The following SUPT6H variants were observed in gnomAD, a reference collection of about 807,000 sequenced individuals.
SUPT6H encodes SPT6 homolog, histone chaperone and transcription elongation factor, also known as transcription elongation factor SPT6.
Under a neutral mutation model 222.3 loss-of-function variants are expected in SUPT6H, and 11 were observed. The observed-to-expected ratio is 0.05, with a 90% CI of 0.03 to 0.08. The LOEUF (loss-of-function observed/expected upper bound fraction) is 0.08. Ranked by LOEUF, SUPT6H falls within the 10% of genes least tolerant of loss-of-function variation. The probability of loss-of-function intolerance (pLI) is 1.00; values close to 1 mark genes in which losing one functional copy is unlikely to be tolerated. For synonymous variants in SUPT6H, 762 were observed against 801.2 expected, an observed-to-expected ratio of 0.95 and a Z score of 0.83; for missense variants, 1,422 against 2,216.0, an observed-to-expected ratio of 0.64 and a Z score of 7.19.
rs2151618001 is a variant in SUPT6H at position 28,675,047 on chromosome 17, A to G, written c.423A>G (p.Glu141=). 4 of 1,614,144 alleles carry G rather than the reference A, an allele frequency of 2.5e-6. No homozygotes were observed. The East Asian group carries it at 6.7e-5, about 27-fold the overall frequency. ...DEEEYGKEEH[E]KEAIAEEIFQ... is the part of the protein sequence containing the mutation. Reference sequence around the variant, plus strand: ...AGGAATATGGCAAGGAGGAACATGAAAAAGAAGCTATTGCGGAAGAAATCT... The same window carrying G: ...AGGAATATGGCAAGGAGGAACATGAGAAAGAAGCTATTGCGGAAGAAATCT... The change falls in exon 5 of 37, where the codon GAA becomes GAG. Residue 141 remains glutamate, a synonymous_variant. Transcript: ENST00000314616.
At chr17:28,693,980 T>G in intron 28 of SUPT6H, 144 bp downstream of exon 28, 1 of 1,105,708 alleles carries the variant, frequency 9.0e-7, no homozygotes, top group South Asian at 1.6e-5. Flanking sequence ...GATTTATAAC[T>G]AGTTGAAAGA....
chr17:28,700,607 G>T, intron 35 of SUPT6H, 95 bp downstream of exon 35: 1 of 1,466,694 alleles, frequency 6.8e-7, no homozygotes, highest in Admixed American at 2.1e-5. Flanking sequence ...CACAGATGGG[G>T]CTGCCACGGC....
rs1160938841 is a variant in SUPT6H, at chr17:28,667,439, A to ATG, written c.-32+5107_-32+5108dup. Among the ~76,000 whole-genome samples the ATG allele has an allele frequency of 5.4e-4, 64 of 119,432 alleles. 3 individuals carry two copies. Among genetic ancestry groups the ATG allele is most frequent in the African/African-American group, 1.7e-3 (57 of 32,724 alleles). The allele number at this position is 119,432 out of a possible 152,430, so 78.4% of individuals were successfully genotyped here. A position where few individuals can be genotyped will look rare whatever the true frequency, so the allele number is the denominator to read the frequency against. Reference sequence around the variant, plus strand: ...TATATATATATATATATATATATGTATGTGTGTGTGTATACATATGTATGT... The same window carrying ATG: ...TATATATATATATATATATATATGTATGTGTGTGTGTGTATACATATGTATGT... On this transcript the variant is annotated intron_variant, in intron 1 of 36. Coordinates refer to ENST00000314616, the MANE Select transcript of SUPT6H (RefSeq NM_003170.5).
chr17:28,663,802 A>T (rs979795413), intron 1 of SUPT6H, among the ~76,000 whole-genome samples: 2 of 103,814 alleles, frequency 1.9e-5, no homozygotes, highest in Non-Finnish European at 3.9e-5. Flanking sequence ...ATTTTATACC[A>T]ATCTGGCTTC....
chr17:28,700,391 A>G lies in SUPT6H; in HGVS notation c.4685A>G (p.Gln1562Arg). The G allele has an allele frequency of 6.2e-7, 1 of 1,614,254 alleles. No homozygotes were observed. The highest frequency in any genetic ancestry group is 1.1e-5 in the South Asian group (1 of 91,090). ...GCCCTGCCTCAGAACATGACTTCAC[A>G]GATGTTCAGTGCCATTGCTGCGGTG... The part of the protein sequence containing the change: ...VNALPQNMTS[Q>R]MFSAIAAVTG... The change falls in exon 35 of 37, where the codon CAG becomes CGG. Residue 1562 changes from glutamine (Q) to arginine (R), a missense_variant. Coordinates refer to ENST00000314616, the MANE Select transcript of SUPT6H (RefSeq NM_003170.5).
chr17:28,700,388 C>T lies in SUPT6H; in HGVS notation c.4682C>T (p.Ser1561Leu). 2 of 1,614,246 alleles carry T rather than the reference C, an allele frequency of 1.2e-6. No individual in the cohort carries two copies. Among genetic ancestry groups the T allele is most frequent in the Non-Finnish European group, 1.7e-6 (2 of 1,180,048 alleles). Reference sequence around the variant, plus strand: ...AATGCCCTGCCTCAGAACATGACTTCACAGATGTTCAGTGCCATTGCTGCG... The same window carrying T: ...AATGCCCTGCCTCAGAACATGACTTTACAGATGTTCAGTGCCATTGCTGCG... Reference protein sequence around the residue: ...AVNALPQNMTSQMFSAIAAVT... With the variant: ...AVNALPQNMTLQMFSAIAAVT... Residue 1561 changes from serine (S) to leucine (L), a missense_variant, in exon 35 of 37, where the codon TCA becomes TTA. This residue lies in a region of SUPT6H where 395 missense variants were observed against 580.6 expected (regional missense o/e 0.68). Coordinates refer to ENST00000314616, the MANE Select transcript of SUPT6H (RefSeq NM_003170.5).
At chr17:28,668,255 G>A (rs2030205817) in intron 1 of SUPT6H, among the ~76,000 whole-genome samples, 1 of 152,162 alleles carries the variant, frequency 6.6e-6, no homozygotes, top group Non-Finnish European at 1.5e-5. Flanking sequence ...GAGCATAAGT[G>A]CTAAATACAA....
intron 1 of SUPT6H, among the ~76,000 whole-genome samples, chr17:28,667,816 G>A (rs967272483): frequency 1.3e-5 from 2 of 151,210 alleles, no homozygotes; most frequent in Non-Finnish European, 2.9e-5. Context: ...GAGATAGATT[G>A]TGAACTCCAC....
rs2031863040 is a variant in SUPT6H, at chr17:28,695,520, G to A, written c.3943G>A (p.Asp1315Asn). 6.2e-7 allele frequency: 1 copy of A among 1,613,904 alleles called. No homozygotes were observed. Among genetic ancestry groups the A allele is most frequent in the African/African-American group, 1.3e-5 (1 of 74,900 alleles). ...AGCTGCAGACCACAAGCAGGAGGAGGACATGAAGCGGAAGCAGCAGCGGAC... is the reference window on the plus strand; with the variant it reads ...AGCTGCAGACCACAAGCAGGAGGAGAACATGAAGCGGAAGCAGCAGCGGAC... ...AEAADHKQEE[D>N]MKRKQQRTTY... Residue 1315 changes from aspartate (D) to asparagine (N), a missense_variant, in exon 29 of 37, where the codon GAC (aspartate) becomes AAC (asparagine). By Grantham distance (23) the Asp-to-Asn change is conservative (BLOSUM62 1). This residue lies in a region of SUPT6H where 395 missense variants were observed against 580.6 expected (regional missense o/e 0.68). Transcript: ENST00000314616.
chr17:28,674,703 A>G, intron 4 of SUPT6H, 90 bp downstream of exon 4: 2 of 1,265,354 alleles, frequency 1.6e-6, no homozygotes, highest in East Asian at 2.3e-5. Flanking sequence ...CACACGCAGG[A>G]CAGTTTGGAG....
chr17:28,675,908 C>T (rs2030719575), intron 6 of SUPT6H, among the ~76,000 whole-genome samples: 1 of 152,216 alleles, frequency 6.6e-6, no homozygotes, highest in Non-Finnish European at 1.5e-5. Context: ...ATAGACCCGT[C>T]TGCTCTGTTG....
intron 25 of SUPT6H, 78 bp from the exon 26 acceptor site, chr17:28,690,004 C>T: frequency 6.5e-7 from 1 of 1,530,162 alleles, no homozygotes. Flanking sequence ...CTGGAGAGGC[C>T]CGCCCCTTCC....
intron 1 of SUPT6H, among the ~76,000 whole-genome samples, chr17:28,666,358 GA>G (rs768913947): frequency 2.0e-5 from 3 of 152,132 alleles, no homozygotes; most frequent in Non-Finnish European, 4.4e-5. Context: ...GCCCTATAGA[GA>G]AAAGGAAAGG....
In SUPT6H at chr17:28,683,265, C is replaced by T. The variant is rs764202162; in HGVS notation, c.1879-3C>T. The T allele has an allele frequency of 5.9e-5, 95 of 1,613,650 alleles. No individual in the cohort carries two copies. The highest frequency in any genetic ancestry group is 7.1e-5 in the Non-Finnish European group (84 of 1,179,784). ...GCTCATGATTCCCCCTTCATGTGTG[C>T]AGGATGTGGATGAGGCCCACTATGC... On this transcript the variant is annotated splice_region_variant and splice_polypyrimidine_tract_variant and intron_variant, in intron 15 of 36. Transcript: ENST00000314616.
intron 1 of SUPT6H, among the ~76,000 whole-genome samples, chr17:28,665,933 T>C (rs1004571609): frequency 6.6e-6 from 1 of 152,170 alleles, no homozygotes; most frequent in Non-Finnish European, 1.5e-5. Flanking sequence ...AATAAGTTTT[T>C]GTTGGATTAG....
intron 31 of SUPT6H, 81 bp downstream of exon 31, chr17:28,697,814 A>C: frequency 6.2e-7 from 1 of 1,605,596 alleles, no homozygotes; most frequent in South Asian, 1.1e-5. Context: ...GGGGACACTC[A>C]GGCGGTGAAG....
At chr17:28,675,507 G>T in intron 6 of SUPT6H, 22 bp downstream of exon 6, 1 of 1,613,648 alleles carries the variant, frequency 6.2e-7, no homozygotes. Flanking sequence ...CTGGTACAAG[G>T]TGGGGATAAA....
rs1358775854 is a variant in SUPT6H at position 28,662,230 on chromosome 17, C to T, written c.-144C>T. On this transcript the variant is annotated 5_prime_UTR_variant, in exon 1 of 37. Transcript: ENST00000314616. ...GTTGACGCAGCAGCGGCGGCGGTGGCGGCGGAGGGGCCGTGCGGTGGGTCC... is the reference window on the plus strand; with the variant it reads ...GTTGACGCAGCAGCGGCGGCGGTGGTGGCGGAGGGGCCGTGCGGTGGGTCC... The T allele has an allele frequency of 1.4e-5, 3 of 212,338 alleles. No homozygotes were observed. Among genetic ancestry groups the T allele is most frequent in the South Asian group, 7.8e-5 (1 of 12,762 alleles). The allele number at this position is 212,338 out of a possible 1,614,324, so 13.2% of individuals were successfully genotyped here. A position where few individuals can be genotyped will look rare whatever the true frequency, so the allele number is the denominator to read the frequency against.
chr17:28,677,937 A>G (rs2030859135), intron 8 of SUPT6H, 121 bp downstream of exon 8: 2 of 1,265,890 alleles, frequency 1.6e-6, no homozygotes, highest in Non-Finnish European at 2.3e-6. Flanking sequence ...GTGTGTATGT[A>G]GTCCCAACAA....
Sources: gnomAD v4.1 joint callset for allele counts (sites outside exome capture counted in the v4.1 genomes callset) on GRCh38, gnomAD v4.1.1 for gene constraint, gnomAD v4.1.1 regional missense constraint, MANE v1.5 for transcripts, NCBI Gene and HGNC (gene_info 2026-07-23, HGNC 2026-07-21) for gene names.